The following SPATA16 variants were observed in gnomAD, a reference collection of about 807,000 sequenced individuals.
SPATA16 encodes the protein spermatogenesis-associated protein 16.
Under a neutral mutation model 63.3 loss-of-function variants are expected in SPATA16, and 36 were observed. The ratio of observed to expected loss-of-function variants is 0.57; its 90% confidence interval spans 0.44 to 0.75. The LOEUF is 0.75. Among genes scored for constraint, SPATA16 ranks in the 30% least tolerant of loss-of-function variants. SPATA16 has a pLI of 0.00. For missense variants in SPATA16, 646 were observed against 679.3 expected (o/e 0.95, Z 0.54); for synonymous variants, 203 against 216.7 (o/e 0.94, Z 0.56).
Position 172,890,934 on chromosome 3 carries a change from A to G in SPATA16, c.1588-1242T>C, listed in dbSNP as rs146238921. 6.7e-3 allele frequency among the ~76,000 whole-genome samples: 1,007 copies of G among 149,698 alleles called. 12 individuals carry two copies. The highest frequency in any genetic ancestry group is 0.023 in the African/African-American group (964 of 41,092). On this transcript the variant is annotated intron_variant, in intron 10 of 10. Coordinates refer to ENST00000351008, the MANE Select transcript of SPATA16 (RefSeq NM_031955.6). ...TTGGATTCCTCCATGAAGTTAATGCATTATTCTATGTATTCCATATATATA... is the reference window on the plus strand; with the variant it reads ...TTGGATTCCTCCATGAAGTTAATGCGTTATTCTATGTATTCCATATATATA...
intron 3 of SPATA16, among the ~76,000 whole-genome samples, chr3:173,034,591 C>T (rs1735674489): frequency 6.6e-6 from 1 of 152,094 alleles, no homozygotes; most frequent in South Asian, 2.1e-4. Flanking sequence ...CGCTTTATGA[C>T]ATTGTAGGAC....
chr3:173,086,418 C>A (rs1737055045), intron 2 of SPATA16, among the ~76,000 whole-genome samples: 1 of 151,890 alleles, frequency 6.6e-6, no homozygotes. Flanking sequence ...CTATTTGATT[C>A]TTCTCTCATT....
chr3:173,040,848 C>T (rs577819281), intron 3 of SPATA16, among the ~76,000 whole-genome samples: 11 of 152,156 alleles, frequency 7.2e-5, no homozygotes, highest in Admixed American at 3.3e-4. Context: ...ACCTGCCACA[C>T]GGTGGGTGTT....
intron 10 of SPATA16, among the ~76,000 whole-genome samples, chr3:172,895,940 A>C (rs1731999759): frequency 6.6e-6 from 1 of 152,178 alleles, no homozygotes. Flanking sequence ...TTTCTGGGAT[A>C]AAAGCCCAGG....
intron 5 of SPATA16, among the ~76,000 whole-genome samples, chr3:172,965,092 G>T (rs1435108300): frequency 6.6e-6 from 1 of 152,144 alleles, no homozygotes; most frequent in Non-Finnish European, 1.5e-5. Flanking sequence ...TTGGCGAAGT[G>T]CTGTAGATAA....
At chr3:173,073,358 A>T (rs1736716638) in intron 2 of SPATA16, among the ~76,000 whole-genome samples, 3 of 152,254 alleles carry the variant, frequency 2.0e-5, no homozygotes. Flanking sequence ...GGCATGTCAG[A>T]GACCTTCATG....
At chr3:173,042,947 C>A (rs1001474932) in intron 3 of SPATA16, among the ~76,000 whole-genome samples, 2 of 152,130 alleles carry the variant, frequency 1.3e-5, no homozygotes, top group South Asian at 4.1e-4. Flanking sequence ...TAGTAGTACA[C>A]CTTCTCTTAA....
intron 5 of SPATA16, among the ~76,000 whole-genome samples, chr3:172,963,863 G>A (rs999787805): frequency 1.3e-5 from 2 of 152,074 alleles, no homozygotes; most frequent in Admixed American, 6.6e-5. Flanking sequence ...CAAGATGAGA[G>A]CCCAAGTCCC....
intron 3 of SPATA16, among the ~76,000 whole-genome samples, chr3:173,026,624 C>G (rs1735460352): frequency 6.6e-6 from 1 of 151,878 alleles, no homozygotes; most frequent in African/African-American, 2.4e-5. Context: ...AAGATAAAGA[C>G]ATTTTATTTT....
chr3:173,080,222 G>A (rs2108312976), intron 2 of SPATA16, among the ~76,000 whole-genome samples: 1 of 152,282 alleles, frequency 6.6e-6, no homozygotes, highest in South Asian at 2.1e-4. Context: ...GGCCCAGACT[G>A]AGGTTCCTTT....
intron 3 of SPATA16, among the ~76,000 whole-genome samples, chr3:173,041,929 T>G (rs1735849158): frequency 6.6e-6 from 1 of 152,124 alleles, no homozygotes; most frequent in Non-Finnish European, 1.5e-5. Context: ...ATTGTGCACA[T>G]GTACCCTAAA....
intron 10 of SPATA16, among the ~76,000 whole-genome samples, chr3:172,908,596 T>C (rs1732293542): frequency 6.6e-6 from 1 of 152,186 alleles, no homozygotes. Flanking sequence ...TTGATCGGCT[T>C]TTTATAGACC....
At chr3:172,981,031 C>T (rs1734299266) in intron 4 of SPATA16, among the ~76,000 whole-genome samples, 1 of 152,130 alleles carries the variant, frequency 6.6e-6, no homozygotes, top group Non-Finnish European at 1.5e-5. Flanking sequence ...TGTAATGGTT[C>T]AATTTTCAGT....
At chr3:172,950,220 C>G (rs1560076495) in intron 6 of SPATA16, among the ~76,000 whole-genome samples, 1 of 152,178 alleles carries the variant, frequency 6.6e-6, no homozygotes, top group Non-Finnish European at 1.5e-5. Flanking sequence ...GCGCTGTCAC[C>G]TGCTACTGCA....
chr3:173,069,027 G>A (rs1329540568), intron 2 of SPATA16, among the ~76,000 whole-genome samples: 2 of 150,462 alleles, frequency 1.3e-5, no homozygotes, highest in African/African-American at 4.9e-5. Context: ...GGAGAATGGC[G>A]TGAACCCGGG....
intron 6 of SPATA16, among the ~76,000 whole-genome samples, chr3:172,942,621 T>C (rs1733182805): frequency 6.6e-6 from 1 of 152,120 alleles, no homozygotes; most frequent in Admixed American, 6.5e-5. Flanking sequence ...GTTTCCTATT[T>C]ACTGATGTCG....
At chr3:173,107,714 A>C (rs986308510) in intron 2 of SPATA16, among the ~76,000 whole-genome samples, 1 of 152,120 alleles carries the variant, frequency 6.6e-6, no homozygotes, top group African/African-American at 2.4e-5. Flanking sequence ...TCTACTCACT[A>C]TTTCAGAGTC....
rs576087132 is a variant in SPATA16, at chr3:172,960,306, C to T, written c.934-3482G>A. 2.7e-3 allele frequency among the ~76,000 whole-genome samples: 411 copies of T among 152,242 alleles called. 3 individuals are homozygous for T. The highest frequency in any genetic ancestry group is 9.3e-3 in the African/African-American group (385 of 41,548). ...TTCTCTGATGTCAGTAAATGTTGCACGTGTGCAGAAAATGGAGAAAACAAT... is the reference window on the plus strand; with the variant it reads ...TTCTCTGATGTCAGTAAATGTTGCATGTGTGCAGAAAATGGAGAAAACAAT... On this transcript the variant is annotated intron_variant, in intron 5 of 10. Coordinates refer to ENST00000351008, the MANE Select transcript of SPATA16 (RefSeq NM_031955.6).
rs965498585 is a variant in SPATA16 at position 173,054,165 on chromosome 3, A to T, written c.613-5071T>A. On this transcript the variant is annotated intron_variant, in intron 2 of 10. Coordinates refer to ENST00000351008, the MANE Select transcript of SPATA16 (RefSeq NM_031955.6). ...AGCAAATGACAGAAATATTAGAAAG[A>T]AAACCAGTAAAGATAGATCTGAACA... 2.0e-5 allele frequency among the ~76,000 whole-genome samples: 3 copies of T among 152,124 alleles called. No homozygotes were observed. The South Asian group carries it at 6.2e-4, about 31-fold the overall frequency.
Sources: gnomAD v4.1 joint callset for allele counts (sites outside exome capture counted in the v4.1 genomes callset) on GRCh38, gnomAD v4.1.1 for gene constraint, MANE v1.5 for transcripts, NCBI Gene and HGNC (gene_info 2026-07-23, HGNC 2026-07-21) for gene names.